The following DOCK5 variants were observed in gnomAD, a reference collection of about 807,000 sequenced individuals.
DOCK5 encodes dedicator of cytokinesis 5.
Under a neutral mutation model 251.8 loss-of-function variants are expected in DOCK5, and 142 were observed. That is an observed-to-expected ratio of 0.56 (90% CI 0.49 to 0.65). DOCK5 has a LOEUF of 0.65. Among genes scored for constraint, DOCK5 ranks in the 30% least tolerant of loss-of-function variants. The pLI is 0.00. For missense variants in DOCK5, 2,111 were observed against 2,312.3 expected (o/e 0.91, Z 1.79); for synonymous variants, 842 against 835.5 (o/e 1.01, Z -0.13).
intron 3 of DOCK5, among the ~76,000 whole-genome samples, chr8:25,271,571 AC>A (rs748074798): frequency 7.2e-5 from 11 of 152,182 alleles, no homozygotes; most frequent in Non-Finnish European, 1.3e-4. Context: ...TTATAAGCTG[AC>A]CCAGCCATTT....
chr8:25,311,886 C>A (rs1398074710), intron 13 of DOCK5, among the ~76,000 whole-genome samples: 1 of 149,694 alleles, frequency 6.7e-6, no homozygotes, highest in Non-Finnish European at 1.5e-5. Context: ...CGCACCACTG[C>A]AACCCAGCCT....
At chr8:25,383,036 G>A (rs1443225164) in intron 40 of DOCK5, among the ~76,000 whole-genome samples, 3 of 152,130 alleles carry the variant, frequency 2.0e-5, no homozygotes, top group Non-Finnish European at 4.4e-5. Flanking sequence ...CCCCGCACTG[G>A]TCAGCTGCTA....
intron 1 of DOCK5, among the ~76,000 whole-genome samples, chr8:25,219,440 GTCC>G (rs1269882490): frequency 3.3e-5 from 5 of 151,986 alleles, no homozygotes; most frequent in Non-Finnish European, 7.4e-5. Flanking sequence ...GAGACCTCCT[GTCC>G]TCCTCATTTT....
At chr8:25,373,577 G>C (rs1393889485) in intron 35 of DOCK5, 41 bp from the exon 36 acceptor site, 1 of 1,555,114 alleles carries the variant, frequency 6.4e-7, no homozygotes, top group Non-Finnish European at 8.7e-7. Flanking sequence ...AATAGCTCTT[G>C]ATTTATGTTG....
intron 26 of DOCK5, 106 bp from the exon 27 acceptor site, chr8:25,351,625 G>GA (rs1800469821): frequency 5.1e-6 from 4 of 784,922 alleles, no homozygotes; most frequent in East Asian, 5.4e-5. Flanking sequence ...GCTTTGTAGG[G>GA]AAAAGCCAAA....
At chr8:25,258,755 A>G (rs1333055920) in intron 2 of DOCK5, among the ~76,000 whole-genome samples, 4 of 152,152 alleles carry the variant, frequency 2.6e-5, no homozygotes, top group African/African-American at 9.7e-5. Context: ...TGCTATATTC[A>G]TCAGATGTTT....
chr8:25,274,814 T>A (rs951635192), intron 3 of DOCK5, among the ~76,000 whole-genome samples: 2 of 150,574 alleles, frequency 1.3e-5, no homozygotes, highest in Non-Finnish European at 3.0e-5. Context: ...TTTTTTTTTT[T>A]AGCCAAATGC....
intron 25 of DOCK5, 21 bp downstream of exon 25, chr8:25,342,528 G>A: frequency 6.5e-7 from 1 of 1,539,968 alleles, no homozygotes; most frequent in Admixed American, 1.9e-5. Context: ...TTCAAAACTT[G>A]CTGCATGAGG....
intron 3 of DOCK5, among the ~76,000 whole-genome samples, chr8:25,270,279 A>G (rs973197734): frequency 6.6e-6 from 1 of 152,158 alleles, no homozygotes; most frequent in Non-Finnish European, 1.5e-5. Flanking sequence ...GGGCCGTCAA[A>G]TAGGGGTCCA....
intron 37 of DOCK5, chr8:25,375,990 C>T: frequency 2.5e-6 from 2 of 793,646 alleles, no homozygotes; most frequent in Non-Finnish European, 3.0e-6. Context: ...CCCAGCTACT[C>T]AGGAGGCTGA....
intron 22 of DOCK5, among the ~76,000 whole-genome samples, chr8:25,338,853 T>G (rs1026676218): frequency 6.6e-6 from 1 of 152,172 alleles, no homozygotes. Context: ...TTATGGATGG[T>G]TCACTAGTTC....
chr8:25,199,436 T>G (rs1299680601), intron 1 of DOCK5, among the ~76,000 whole-genome samples: 1 of 139,504 alleles, frequency 7.2e-6, no homozygotes, highest in Non-Finnish European at 1.5e-5. Context: ...CAGGCTGGAG[T>G]GCAGTGGCAC....
chr8:25,309,854 G>A (rs1805042943), intron 12 of DOCK5, among the ~76,000 whole-genome samples: 1 of 151,900 alleles, frequency 6.6e-6, no homozygotes, highest in African/African-American at 2.4e-5. Flanking sequence ...ACAGAAAAAT[G>A]GTTTGTTCTC....
At chr8:25,410,708 C>A (rs557070065) in intron 51 of DOCK5, among the ~76,000 whole-genome samples, 257 of 140,150 alleles carry the variant, frequency 1.8e-3, no homozygotes, top group African/African-American at 4.8e-3. Context: ...GTGATCCCCC[C>A]CACCCACCTC....
At chr8:25,405,071 C>T (rs773291316) in intron 48 of DOCK5, among the ~76,000 whole-genome samples, 3 of 152,112 alleles carry the variant, frequency 2.0e-5, no homozygotes, top group Non-Finnish European at 2.9e-5. Flanking sequence ...ATTGTTGGCC[C>T]TTTGTCTGTG....
chr8:25,349,747 A>T (rs1342914072), intron 26 of DOCK5, among the ~76,000 whole-genome samples: 4 of 152,292 alleles, frequency 2.6e-5, no homozygotes, highest in Non-Finnish European at 1.5e-5. Context: ...GATATTATGG[A>T]CTTTGTGGAC....
At chr8:25,286,076 G>C (rs1804323109) in intron 5 of DOCK5, among the ~76,000 whole-genome samples, 3 of 152,182 alleles carry the variant, frequency 2.0e-5, no homozygotes, top group African/African-American at 7.2e-5. Flanking sequence ...ATCTGACACA[G>C]AGAAAAGGCA....
chr8:25,302,533 A>G, intron 10 of DOCK5, 79 bp downstream of exon 10: 1 of 1,419,604 alleles, frequency 7.0e-7, no homozygotes, highest in Non-Finnish European at 9.3e-7. Flanking sequence ...AAAAAATTAA[A>G]CATGGAACTA....
intron 3 of DOCK5, among the ~76,000 whole-genome samples, chr8:25,272,900 T>A (rs928783772): frequency 6.6e-6 from 1 of 152,146 alleles, no homozygotes; most frequent in African/African-American, 2.4e-5. Flanking sequence ...AGAACCCCCA[T>A]TGTACTTTCT....
Sources: gnomAD v4.1 joint callset for allele counts (sites outside exome capture counted in the v4.1 genomes callset) on GRCh38, gnomAD v4.1.1 for gene constraint, MANE v1.5 for transcripts, NCBI Gene and HGNC (gene_info 2026-07-23, HGNC 2026-07-21) for gene names.